The following PLXNA3 variants were observed in gnomAD, a reference collection of about 807,000 sequenced individuals.
PLXNA3 encodes the protein plexin-A3.
A neutral mutation model predicts 118.8 loss-of-function variants in PLXNA3; 52 were observed. The observed-to-expected ratio is 0.44, with a 90% CI of 0.35 to 0.55. PLXNA3 has a LOEUF of 0.55. Ranked by LOEUF, PLXNA3 falls within the 20% of genes least tolerant of loss-of-function variation. The pLI, the probability that PLXNA3 is intolerant of heterozygous loss-of-function variation, is 0.01. For missense variants in PLXNA3, 1,660 were observed against 1,730.8 expected (o/e 0.96, Z 0.73); for synonymous variants, 925 against 762.4 (o/e 1.21, Z -3.51).
At chrX:154,467,716 G>T in intron 20 of PLXNA3, 28 bp downstream of exon 20, 1 of 1,204,476 alleles carries the variant, frequency 8.3e-7, no homozygotes. Context: ...GACCCCCTGG[G>T]CAGCCCAGGG....
rs2069199648 is a variant in PLXNA3 at position 154,472,641 on chromosome X, C to A, written c.5572C>A (p.Gln1858Lys). The A allele has an allele frequency of 8.3e-7, 1 of 1,207,144 alleles. No individual in the cohort carries two copies. Among genetic ancestry groups the A allele is most frequent in the Non-Finnish European group, 1.1e-6 (1 of 892,567 alleles). Residue 1858 changes from glutamine (Q) to lysine (K), a missense_variant, in exon 33 of 33, where the codon CAG becomes AAG. This residue lies in a region of PLXNA3 where 869 missense variants were observed against 1,078.7 expected (regional missense o/e 0.81). Transcript: ENST00000369682. The part of the protein sequence containing the change: ...DASCRKHKLR[Q>K]KLEQIISLVS... ...CTCTTGTCGGAAGCATAAGTTGCGG[C>A]AGAAACTGGAACAGATCATCAGCCT...
chrX:154,459,172 C>G (rs1383133593), intron 1 of PLXNA3, among the ~76,000 whole-genome samples: 1 of 108,964 alleles, frequency 9.2e-6, no homozygotes, highest in Non-Finnish European at 1.9e-5. Context: ...CCGCTCCCCC[C>G]CCGCCTCCCG....
Position 154,468,467 on chromosome X carries a change from C to A in PLXNA3, c.4128C>A (p.Leu1376=). Residue 1376 remains leucine, a synonymous_variant, in exon 23 of 33, where the codon CTC becomes CTA. Coordinates refer to ENST00000369682, the MANE Select transcript of PLXNA3 (RefSeq NM_017514.5). ...SLTMVALQSR[L]DYATGLLKQL... is the part of the protein sequence containing the mutation. ...CCATGGTGGCCCTGCAGAGCCGGCT[C>A]GACTATGCCACGGGGCTGCTCAAGC... The A allele has an allele frequency of 8.3e-7, 1 of 1,211,312 alleles. No homozygotes were observed. The highest frequency in any genetic ancestry group is 1.1e-6 in the Non-Finnish European group (1 of 895,476).
chrX:154,463,734 G>A, intron 6 of PLXNA3, 44 bp downstream of exon 6: 1 of 1,074,605 alleles, frequency 9.3e-7, no homozygotes, highest in Non-Finnish European at 1.3e-6. Context: ...GGGCCCCACT[G>A]GCCAGGGGGA....
rs1226111545 is a variant in PLXNA3 at position 154,470,491 on chromosome X, C to T, written c.5036C>T (p.Thr1679Ile). The change falls in exon 30 of 33, where the codon ACA becomes ATA. Residue 1679 changes from threonine to isoleucine, a missense_variant. By Grantham distance (89) the Thr-to-Ile change is moderately conservative (BLOSUM62 -1). Transcript: ENST00000369682. The stretch of plus-strand genomic sequence containing the variant: ...GACCTCTTTGAGACAGTGTTCAGCA[C>T]AGCCCACCGGGGCTCGGCCCTGCCC... ...VDDLFETVFS[T>I]AHRGSALPLA... is the part of the protein sequence containing the mutation. 42 of 1,210,362 alleles carry T rather than the reference C, an allele frequency of 3.5e-5. No homozygotes were observed. The highest frequency in any genetic ancestry group is 4.7e-5 in the Non-Finnish European group (42 of 894,903).
At position 154,469,395 on chromosome X, in the gene PLXNA3, C is replaced by T. The variant is rs2069147173; in HGVS notation, c.4611C>T (p.Arg1537=). The T allele has an allele frequency of 8.3e-7, 1 of 1,207,961 alleles. No individual in the cohort carries two copies. Among genetic ancestry groups the T allele is most frequent in the African/African-American group, 1.7e-5 (1 of 57,458 alleles). ...GGCCCACAGAGTGGCGCCAGGGCCG[C>T]ATGACTCGCATCATCCTCCAGGATG... is the stretch of plus-strand genomic sequence containing the variant. ...EDMDLEWRQG[R]MTRIILQDED... is the part of the protein sequence containing the mutation. The change falls in exon 27 of 33, where the codon CGC becomes CGT. Residue 1537 remains arginine, a synonymous_variant. Coordinates refer to ENST00000369682, the MANE Select transcript of PLXNA3 (RefSeq NM_017514.5).
intron 27 of PLXNA3, 30 bp from the exon 28 acceptor site, chrX:154,469,658 A>G: frequency 8.6e-7 from 1 of 1,166,981 alleles, no homozygotes; most frequent in Non-Finnish European, 1.2e-6. Context: ...AGCTTCCTGC[A>G]CTGCCCCCCT....
rs781913185 is a variant in PLXNA3 at position 154,467,858 on chromosome X, C to T, written c.3677C>T (p.Ala1226Val). The change falls in exon 21 of 33, where the codon GCG (alanine) becomes GTG (valine). Residue 1226 changes from alanine to valine, a missense_variant. Coordinates refer to ENST00000369682, the MANE Select transcript of PLXNA3 (RefSeq NM_017514.5). ...LTLPAMMGLA[A>V]GGGLLLLAIT... is the part of the protein sequence containing the mutation. ...CTACCGGCCATGATGGGGCTGGCGG[C>T]GGGGGGTGGGCTCCTGCTGCTGGCC... 11 of 1,205,593 alleles carry T rather than the reference C, an allele frequency of 9.1e-6. No homozygotes were observed. The highest frequency in any genetic ancestry group is 8.9e-5 in the East Asian group (3 of 33,719).
rs377431210 is a variant in PLXNA3, at chrX:154,461,245, G to C, written c.741G>C (p.Gln247His). 8.3e-7 allele frequency: 1 copy of C among 1,211,692 alleles called. No homozygotes were observed. The highest frequency in any genetic ancestry group is 1.7e-5 in the African/African-American group (1 of 57,834). ...TGACGCTGCAGCTGGACACCCAGCAGACGCTGTTGGACACAGCGGGCGAGA... is the reference window on the plus strand; with the variant it reads ...TGACGCTGCAGCTGGACACCCAGCACACGCTGTTGGACACAGCGGGCGAGA... ...YFLTLQLDTQ[Q>H]TLLDTAGEKF... Residue 247 changes from glutamine to histidine, a missense_variant, in exon 3 of 33, where the codon CAG becomes CAC. By Grantham distance (24) the Gln-to-His change is conservative. Transcript: ENST00000369682.
At position 154,461,060 on chromosome X, in the gene PLXNA3, G is replaced by C. The variant is rs782580878; in HGVS notation, c.595-39G>C. On this transcript the variant is annotated intron_variant, in intron 2 of 32. Transcript: ENST00000369682. Reference sequence around the variant, plus strand: ...GGCGGTGGCCCGTGATGTTGGCACAGGGCCTCACCGGATGCTGTCTCCTCC... The same window carrying C: ...GGCGGTGGCCCGTGATGTTGGCACACGGCCTCACCGGATGCTGTCTCCTCC... The C allele has an allele frequency of 3.6e-6, 4 of 1,119,162 alleles. No homozygotes were observed. The East Asian group carries it at 9.0e-5, about 25-fold the overall frequency. 92.2% of individuals were successfully genotyped at this position (1,119,162 alleles called of 1,213,427 possible).
rs1192073931 is a variant in PLXNA3 at position 154,475,850 on chromosome X, CAT to C, written c.*3166_*3167del. 1 of 112,218 alleles carries C rather than the reference CAT, an allele frequency of 8.9e-6. No individual in the cohort carries two copies. The highest frequency in any genetic ancestry group is 1.9e-5 in the Non-Finnish European group (1 of 53,221). The allele number at this position is 112,218 out of a possible 1,213,427, so 9.2% of individuals were successfully genotyped here. On this transcript the variant is annotated 3_prime_UTR_variant, in exon 33 of 33. Transcript: ENST00000369682. ...AATGGATGGAATCTACCAGAAGCAT[CAT>C]GAGAGGAAGAGGAAGGGAAACAGAG...
At position 154,461,247 on chromosome X, in the gene PLXNA3, C is replaced by T. The variant is rs200019038; in HGVS notation, c.743C>T (p.Thr248Met). The change falls in exon 3 of 33, where the codon ACG becomes ATG. Residue 248 changes from threonine to methionine, a missense_variant. This residue lies in a region of PLXNA3 where 791 missense variants were observed against 652.1 expected (regional missense o/e 1.21). Coordinates refer to ENST00000369682, the MANE Select transcript of PLXNA3 (RefSeq NM_017514.5). ...ACGCTGCAGCTGGACACCCAGCAGA[C>T]GCTGTTGGACACAGCGGGCGAGAAA... ...FLTLQLDTQQ[T>M]LLDTAGEKFF... 118 of 1,211,678 alleles carry T rather than the reference C, an allele frequency of 9.7e-5. No individual in the cohort carries two copies. Among genetic ancestry groups the T allele is most frequent in the Middle Eastern group, 2.3e-4 (1 of 4,377 alleles).
At position 154,467,370 on chromosome X, in the gene PLXNA3, C is replaced by A. The variant is rs782424275; in HGVS notation, c.3340C>A (p.Leu1114Ile). 1 of 1,204,341 alleles carries A rather than the reference C, an allele frequency of 8.3e-7. No homozygotes were observed. Among genetic ancestry groups the A allele is most frequent in the Admixed American group, 2.2e-5 (1 of 46,133 alleles). ...GGACCACGTGCAAACGGCCCGCTCCCTCAACCGCTCCTCCTTTACCTACTA... is the reference window on the plus strand; with the variant it reads ...GGACCACGTGCAAACGGCCCGCTCCATCAACCGCTCCTCCTTTACCTACTA... Reference protein sequence around the residue: ...LLDHVQTARSLNRSSFTYYPD... With the variant: ...LLDHVQTARSINRSSFTYYPD... The change falls in exon 19 of 33, where the codon CTC (leucine) becomes ATC (isoleucine). Residue 1114 changes from leucine to isoleucine, a missense_variant. By Grantham distance (5) the Leu-to-Ile change is conservative. Transcript: ENST00000369682.
chrX:154,467,040 C>T lies in PLXNA3; in HGVS notation c.3108-17C>T. The T allele has an allele frequency of 8.4e-7, 1 of 1,192,166 alleles. No individual in the cohort carries two copies. Among genetic ancestry groups the T allele is most frequent in the African/African-American group, 1.7e-5 (1 of 57,479 alleles). On this transcript the variant is annotated splice_polypyrimidine_tract_variant and intron_variant, in intron 17 of 32. Transcript: ENST00000369682. ...TGCACTGGAGGAGGGAGCCTGAGGC[C>T]CCTGCCCTGTCCCTAGTGGAAGCAC... is the stretch of plus-strand genomic sequence containing the variant.
chrX:154,461,506 G>C lies in PLXNA3; in HGVS notation c.1002G>C (p.Gln334His), dbSNP rs1557204488. 7 of 1,210,845 alleles carry C rather than the reference G, an allele frequency of 5.8e-6. No homozygotes were observed. Among genetic ancestry groups the C allele is most frequent in the African/African-American group, 3.5e-5 (2 of 57,562 alleles). The stretch of plus-strand genomic sequence containing the variant: ...AGAACCGGGCCAGCCCACCCCGGCA[G>C]ACCATCCTCTGCCTCTTCACCCTCA... ...GQKNRASPPR[Q>H]TILCLFTLSN... Residue 334 changes from glutamine (Q) to histidine (H), a missense_variant, in exon 3 of 33, where the codon CAG becomes CAC. Physicochemically the swap from Gln to His is conservative, Grantham distance 24 (BLOSUM62 0). Transcript: ENST00000369682.
Position 154,471,085 on chromosome X carries a change from C to CG in PLXNA3, c.5157-19dup. The CG allele has an allele frequency of 8.3e-7, 1 of 1,197,736 alleles. No homozygotes were observed. Among genetic ancestry groups the CG allele is most frequent in the Non-Finnish European group, 1.1e-6 (1 of 884,504 alleles). ...GGCTAACTAGGGAGCCTCAGGCGCACGTCCCTCTGTTGTCCACAGCCTGCC... is the reference window on the plus strand; with the variant it reads ...GGCTAACTAGGGAGCCTCAGGCGCACGGTCCCTCTGTTGTCCACAGCCTGCC... On this transcript the variant is annotated intron_variant, in intron 30 of 32. Transcript: ENST00000369682.
rs1268614230 is a variant in PLXNA3 at position 154,464,597 on chromosome X, G to A, written c.1928+96G>A. The stretch of plus-strand genomic sequence containing the variant: ...AGGGCAGCTGTTTCTGGGGCATCAG[G>A]GGCTAACTGTCAGGCCCTGATAGCC... On this transcript the variant is annotated intron_variant, in intron 9 of 32. Coordinates refer to ENST00000369682, the MANE Select transcript of PLXNA3 (RefSeq NM_017514.5). The A allele has an allele frequency of 1.8e-5, 14 of 787,854 alleles. No individual in the cohort carries two copies. In the African/African-American group the frequency reaches 1.8e-4, roughly 10 times the overall value. The allele number at this position is 787,854 out of a possible 1,213,427, so 64.9% of individuals were successfully genotyped here.
At position 154,472,676 on chromosome X, in the gene PLXNA3, C is replaced by T. The variant is rs142629148; in HGVS notation, c.5607C>T (p.Ser1869=). The change falls in exon 33 of 33, where the codon AGC becomes AGT. Residue 1869 remains serine (S), a synonymous_variant. Coordinates refer to ENST00000369682, the MANE Select transcript of PLXNA3 (RefSeq NM_017514.5). ...KLEQIISLVS[S]DS ...AACAGATCATCAGCCTCGTGTCCAG[C>T]GACAGCTAAGGTGGTGGAATCGGTG... is the stretch of plus-strand genomic sequence containing the variant. 50 of 1,189,485 alleles carry T rather than the reference C, an allele frequency of 4.2e-5. No homozygotes were observed. In the African/African-American group the frequency reaches 4.2e-4, roughly 10 times the overall value.
At chrX:154,459,879 G>C (rs2068908507) in intron 1 of PLXNA3, among the ~76,000 whole-genome samples, 1 of 113,398 alleles carries the variant, frequency 8.8e-6, no homozygotes, top group African/African-American at 3.2e-5. Flanking sequence ...GCTCTGAGAT[G>C]TGGCATCTGG....
Sources: allele counts gnomAD v4.1 joint callset (sites outside exome capture counted in the v4.1 genomes callset), GRCh38; gene constraint gnomAD v4.1.1; regional missense constraint gnomAD v4.1.1; transcripts MANE v1.5; gene names NCBI Gene and HGNC (gene_info 2026-07-23, HGNC 2026-07-21).